Variants in AEN observed in about 807,000 individuals in gnomAD.
The protein encoded by AEN is apoptosis enhancing nuclease.
A neutral mutation model predicts 17.7 loss-of-function variants in AEN; 21 were observed. The ratio of observed to expected loss-of-function variants is 1.19; its 90% confidence interval spans 0.84 to 1.71. The LOEUF is 1.71. AEN is among the 40% of genes most tolerant of loss of function. The pLI, the probability that AEN is intolerant of heterozygous loss-of-function variation, is 0.00. For missense variants in AEN, 462 were observed against 435.9 expected, an observed-to-expected ratio of 1.06 and a Z score of -0.53; for synonymous variants, 190 against 173.0, an observed-to-expected ratio of 1.10 and a Z score of -0.77.
At chr15:88,629,545 C>A in intron 3 of AEN, 119 bp downstream of exon 3, 1 of 1,258,060 alleles carries the variant, frequency 7.9e-7, no homozygotes, top group Non-Finnish European at 1.1e-6. Context: ...TTCCCTAGTC[C>A]AGGTCCAGGG....
At chr15:88,609,041 G>C in the AEN span, among the ~76,000 whole-genome samples, 7 of 152,264 alleles carry the variant, frequency 4.6e-5, no homozygotes, top group African/African-American at 1.7e-4. Context: ...ATAACAGCCC[G>C]GAAGAAGTCT....
At chr15:88,610,272 C>A in the AEN span, among the ~76,000 whole-genome samples, 1 of 151,790 alleles carries the variant, frequency 6.6e-6, no homozygotes. Flanking sequence ...GAAGGACTAA[C>A]CCTCCTCTCA....
the AEN span, among the ~76,000 whole-genome samples, chr15:88,614,159 C>G: frequency 9.9e-5 from 15 of 152,148 alleles, no homozygotes; most frequent in Non-Finnish European, 1.9e-4. Context: ...TGACTTATCT[C>G]TTGGTCACTC....
chr15:88,609,202 G>A, the AEN span, among the ~76,000 whole-genome samples: 1 of 152,168 alleles, frequency 6.6e-6, no homozygotes. Context: ...GGTACCATGA[G>A]CCCTAGTGCT....
At chr15:88,629,615 C>T (rs969929925) in intron 3 of AEN, among the ~76,000 whole-genome samples, 189 bp downstream of exon 3, 1 of 152,198 alleles carries the variant, frequency 6.6e-6, no homozygotes, top group African/African-American at 2.4e-5. Flanking sequence ...TCTCCATGAT[C>T]CTTCTTCCCC....
At chr15:88,612,074 C>G in the AEN span, 1 of 354,890 alleles carries the variant, frequency 2.8e-6, no homozygotes, top group Non-Finnish European at 5.4e-6. Flanking sequence ...GAAACATGGA[C>G]AAACTATGGT....
chr15:88,621,273 G>C (rs1419803955), upstream of AEN: 1 of 152,260 alleles, frequency 6.6e-6, no homozygotes, highest in Admixed American at 6.5e-5. Flanking sequence ...GGGCGCTGCC[G>C]TCCAGCGAGC....
chr15:88,621,125 T>C (rs1567100958), upstream of AEN, among the ~76,000 whole-genome samples: 3 of 152,142 alleles, frequency 2.0e-5, no homozygotes, highest in Admixed American at 1.3e-4. Flanking sequence ...CAGTCTCCCT[T>C]CCCTTCTCTT....
chr15:88,612,323 G>A, the AEN span, among the ~76,000 whole-genome samples: 6 of 152,040 alleles, frequency 3.9e-5, no homozygotes, highest in Non-Finnish European at 5.9e-5. Flanking sequence ...ACTGGAGACC[G>A]AGGTTCCCGG....
At chr15:88,622,704 T>C (rs1369837713) in intron 1 of AEN, among the ~76,000 whole-genome samples, 1 of 152,200 alleles carries the variant, frequency 6.6e-6, no homozygotes, top group Admixed American at 6.5e-5. Context: ...TGCTAGGTCA[T>C]GGGTTTAATT....
At chr15:88,615,857 A>T in the AEN span, among the ~76,000 whole-genome samples, 1 of 152,114 alleles carries the variant, frequency 6.6e-6, no homozygotes, top group Non-Finnish European at 1.5e-5. Context: ...AGTACCCCCA[A>T]AAAGTCCTCA....
the AEN span, among the ~76,000 whole-genome samples, chr15:88,610,095 G>A: frequency 5.9e-5 from 9 of 152,276 alleles, no homozygotes; most frequent in Admixed American, 2.0e-4. Flanking sequence ...GTGCATTTTA[G>A]CTTGTCTATT....
the AEN span, among the ~76,000 whole-genome samples, chr15:88,606,209 C>G: frequency 6.6e-6 from 1 of 152,150 alleles, no homozygotes; most frequent in Non-Finnish European, 1.5e-5. Flanking sequence ...CCCCCGTGCT[C>G]CCTCTCGCTC....
At chr15:88,605,852 C>T in the AEN span, among the ~76,000 whole-genome samples, 1 of 152,232 alleles carries the variant, frequency 6.6e-6, no homozygotes, top group Non-Finnish European at 1.5e-5. The surrounding 1 kb of genome is among the most constrained non-coding windows in gnomAD (Gnocchi z 7.6). Flanking sequence ...CCTAGGGTGC[C>T]CATGGTCGGT....
In AEN at chr15:88,631,285, G is replaced by C. The variant is rs1343958954; in HGVS notation, c.*991G>C. 2.5e-6 allele frequency: 1 copy of C among 395,022 alleles called. No homozygotes were observed. Among genetic ancestry groups the C allele is most frequent in the Non-Finnish European group, 5.4e-6 (1 of 184,940 alleles). The allele number at this position is 395,022 out of a possible 1,614,324, so 24.5% of individuals were successfully genotyped here. ...GCAGGGCATTGGCAGTTACGCAGTGGCCCTGAACCTGGTCTGGTGCCCCCG... is the reference window on the plus strand; with the variant it reads ...GCAGGGCATTGGCAGTTACGCAGTGCCCCTGAACCTGGTCTGGTGCCCCCG... On this transcript the variant is annotated 3_prime_UTR_variant, in exon 4 of 4. Coordinates refer to ENST00000332810, the MANE Select transcript of AEN (RefSeq NM_022767.4).
At position 88,631,111 on chromosome 15, in the gene AEN, T is replaced by A. The variant is rs749270685; in HGVS notation, c.*817T>A. 3 of 456,608 alleles carry A rather than the reference T, an allele frequency of 6.6e-6. No individual in the cohort carries two copies. Among genetic ancestry groups the A allele is most frequent in the African/African-American group, 6.0e-5 (3 of 50,094 alleles). 28.3% of individuals were successfully genotyped at this position (456,608 alleles called of 1,614,324 possible). A position where few individuals can be genotyped will look rare whatever the true frequency, so the allele number is the denominator to read the frequency against. On this transcript the variant is annotated 3_prime_UTR_variant, in exon 4 of 4. Transcript: ENST00000332810. ...TCAGGGATTTCCCCAGTCCACCCAG[T>A]ACTGGGCTCTTAAGCAAAAGTCTGA... is the stretch of plus-strand genomic sequence containing the variant.
chr15:88,609,443 A>T, the AEN span, among the ~76,000 whole-genome samples: 2 of 152,210 alleles, frequency 1.3e-5, no homozygotes, highest in African/African-American at 4.8e-5. Context: ...AAGATAAATT[A>T]AGGCTCAGTT....
chr15:88,612,266 G>C, the AEN span, among the ~76,000 whole-genome samples: 3 of 152,276 alleles, frequency 2.0e-5, no homozygotes, highest in East Asian at 3.9e-4. Flanking sequence ...GGGCCTCATT[G>C]TCTGTGGCCC....
chr15:88,621,571 T>A (rs972563443), intron 1 of AEN, 189 bp downstream of exon 1: 6 of 152,088 alleles, frequency 3.9e-5, no homozygotes, highest in African/African-American at 1.5e-4. Context: ...CTCGCTCTGC[T>A]CGGGGGTCCA....
Sources: allele counts gnomAD v4.1 joint callset (sites outside exome capture counted in the v4.1 genomes callset), GRCh38; gene constraint gnomAD v4.1.1; non-coding constraint Gnocchi (gnomAD v3.1); transcripts MANE v1.5; gene names NCBI Gene and HGNC (gene_info 2026-07-23, HGNC 2026-07-21).